Variants in MYH10 observed in about 807,000 individuals in gnomAD.
The protein encoded by MYH10 is myosin heavy chain 10.
MYH10 carries 55 observed loss-of-function variants against 257.8 expected under a neutral mutation model. The ratio of observed to expected loss-of-function variants is 0.21; its 90% CI spans 0.17 to 0.27. The LOEUF (loss-of-function observed/expected upper bound fraction) is 0.27, where lower values mean the gene tolerates loss of function less well. MYH10 is among the 10% of genes least tolerant of loss of function. The pLI, the probability that MYH10 is intolerant of heterozygous loss-of-function variation, is 1.00. For synonymous variants in MYH10, 854 were observed against 921.7 expected (o/e 0.93, Z 1.33); for missense variants, 1,631 against 2,500.6 (o/e 0.65, Z 7.42).
In MYH10 at chr17:8,552,805, G is replaced by A. The variant is rs1317734428; in HGVS notation, c.821-661C>T. On this transcript the variant is annotated intron_variant, in intron 8 of 42. Coordinates refer to ENST00000360416, the MANE Select transcript of MYH10 (RefSeq NM_001256012.3). This position sits in a 1 kb window ranked among gnomAD's most constrained non-coding sequence, Gnocchi z 4.8. ...CTCTGCTGCTCTGAAGAACCGGTGC[G>A]GCCAGTACCTACGCCTGCTGCTACC... 6.6e-6 allele frequency among the ~76,000 whole-genome samples: 1 copy of A among 152,106 alleles called. No homozygotes were observed. Among genetic ancestry groups the A allele is most frequent in the Non-Finnish European group, 1.5e-5 (1 of 67,996 alleles).
At position 8,535,977 on chromosome 17, in the gene MYH10, T is replaced by G. The variant is rs77861461; in HGVS notation, c.1606-46A>C. The G allele has an allele frequency of 2.5e-3, 3,884 of 1,553,526 alleles. 89 individuals carry two copies. In the African/African-American group the frequency reaches 0.047, roughly 19 times the overall value. On this transcript the variant is annotated intron_variant, in intron 14 of 42. Transcript: ENST00000360416. The surrounding 1 kb of genome is among the most constrained non-coding windows in gnomAD (Gnocchi z 4.3). Reference sequence around the variant, plus strand: ...GAATTCACAAGTTTTGCATGCCACTTTAATACTACTGAGTCTGGCACTTAA... The same window carrying G: ...GAATTCACAAGTTTTGCATGCCACTGTAATACTACTGAGTCTGGCACTTAA...
chr17:8,509,555 G>C (rs1258302059), intron 25 of MYH10, among the ~76,000 whole-genome samples: 1 of 152,064 alleles, frequency 6.6e-6, no homozygotes, highest in Non-Finnish European at 1.5e-5. Context: ...AGTCATCATT[G>C]AGTGACCATT....
At chr17:8,476,395 T>C (rs1053625337) in intron 42 of MYH10, among the ~76,000 whole-genome samples, 1 of 152,232 alleles carries the variant, frequency 6.6e-6, no homozygotes, top group African/African-American at 2.4e-5. Flanking sequence ...AATCTGCCCA[T>C]TGGCCAGATG....
At position 8,475,929 on chromosome 17, in the gene MYH10, A is replaced by T; in HGVS notation, c.5899T>A (p.Phe1967Ile). ...CGCCGGCCAGATCGGCTGGAAGAGAAGCTGATGGGGCCACCCCGCCTGGAG... is the reference window on the plus strand; with the variant it reads ...CGCCGGCCAGATCGGCTGGAAGAGATGCTGATGGGGCCACCCCGCCTGGAG... ...NRLRRGGPIS[F>I]SSSRSGRRQL... Residue 1967 changes from phenylalanine to isoleucine, a missense_variant, in exon 43 of 43, where the codon TTC becomes ATC. Coordinates refer to ENST00000360416, the MANE Select transcript of MYH10 (RefSeq NM_001256012.3). 6.2e-7 allele frequency: 1 copy of T among 1,613,854 alleles called. No homozygotes were observed.
chr17:8,553,171 A>G (rs954364152), intron 8 of MYH10, among the ~76,000 whole-genome samples: 11 of 152,196 alleles, frequency 7.2e-5, no homozygotes, highest in African/African-American at 2.7e-4. Flanking sequence ...TGACACACCT[A>G]TATGAAGAAA....
intron 13 of MYH10, among the ~76,000 whole-genome samples, chr17:8,543,403 T>G (rs1242096880): frequency 2.6e-5 from 4 of 152,086 alleles, no homozygotes; most frequent in Non-Finnish European, 5.9e-5. Flanking sequence ...TTATTCATGT[T>G]CATGTAGGTG....
intron 3 of MYH10, among the ~76,000 whole-genome samples, chr17:8,602,200 G>A (rs368257201): frequency 4.6e-5 from 7 of 152,076 alleles, no homozygotes; most frequent in Admixed American, 2.0e-4. Context: ...GGATGATCTC[G>A]ATCTCCTGAC....
At chr17:8,510,085 C>T (rs2081212482) in intron 24 of MYH10, 136 bp from the exon 25 acceptor site, 4 of 913,222 alleles carry the variant, frequency 4.4e-6, no homozygotes, top group Non-Finnish European at 6.0e-6. Context: ...GTTGCCCAGG[C>T]TGAAGTGCAG....
At chr17:8,515,154 A>G (rs566289339) in intron 21 of MYH10, among the ~76,000 whole-genome samples, 3 of 152,206 alleles carry the variant, frequency 2.0e-5, no homozygotes, top group Non-Finnish European at 4.4e-5. Context: ...GGTATTTCCT[A>G]GAAATAATCT....
At chr17:8,616,198 G>A (rs1003103063) in intron 2 of MYH10, among the ~76,000 whole-genome samples, 24 of 151,988 alleles carry the variant, frequency 1.6e-4, no homozygotes, top group African/African-American at 5.1e-4. Flanking sequence ...TGGGAGGATC[G>A]CCTGAGCCCA....
intron 3 of MYH10, among the ~76,000 whole-genome samples, chr17:8,602,168 C>T (rs756886617): frequency 1.3e-5 from 2 of 152,104 alleles, no homozygotes; most frequent in Non-Finnish European, 2.9e-5. Flanking sequence ...TTAATACAGA[C>T]GGGGTTTCAC....
chr17:8,496,597 C>G (rs1250157230), intron 30 of MYH10, among the ~76,000 whole-genome samples: 1 of 152,180 alleles, frequency 6.6e-6, no homozygotes, highest in Non-Finnish European at 1.5e-5. Flanking sequence ...AACTGTCACT[C>G]CCCTCCCTTC....
At chr17:8,488,794 C>T (rs1915291734) in intron 35 of MYH10, among the ~76,000 whole-genome samples, 2 of 152,112 alleles carry the variant, frequency 1.3e-5, no homozygotes, top group African/African-American at 2.4e-5. Context: ...TGCTCGTCAT[C>T]TGCTTGCTGT....
chr17:8,522,831 T>C (rs73248043), intron 17 of MYH10, among the ~76,000 whole-genome samples: 2,622 of 152,262 alleles, frequency 0.017, 75 homozygotes, highest in African/African-American at 0.057. Flanking sequence ...GCTAAATGAA[T>C]AGACACCACC....
chr17:8,514,951 C>T (rs1433447666), intron 21 of MYH10, among the ~76,000 whole-genome samples: 1 of 152,204 alleles, frequency 6.6e-6, no homozygotes, highest in African/African-American at 2.4e-5. Context: ...AGCACCAGAA[C>T]GGCCTCCGAG....
rs570280032 is a variant in MYH10, at chr17:8,507,858, G to A, written c.3214+696C>T. On this transcript the variant is annotated intron_variant, in intron 26 of 42. Transcript: ENST00000360416. Reference sequence around the variant, plus strand: ...TGGTTGGTGCATGCCTGTAATCCCCGCTACTTGGGAGGCTGAGGCAAGAGA... The same window carrying A: ...TGGTTGGTGCATGCCTGTAATCCCCACTACTTGGGAGGCTGAGGCAAGAGA... Among the ~76,000 whole-genome samples, 21 of 152,186 alleles carry A rather than the reference G, an allele frequency of 1.4e-4. No homozygotes were observed. In the East Asian group the frequency reaches 1.9e-3, roughly 14 times the overall value.
Position 8,545,391 on chromosome 17 carries a change from T to A in MYH10, c.1431+57A>T. On this transcript the variant is annotated intron_variant, in intron 13 of 42. Transcript: ENST00000360416. The surrounding 1 kb of genome is among the most constrained non-coding windows in gnomAD (Gnocchi z 4.7). ...ACTGGGCACACAGTAAGCCTTCATA[T>A]TTGTTAAAAGAACAAACAAAAAGAA... 1 of 1,590,832 alleles carries A rather than the reference T, an allele frequency of 6.3e-7. No homozygotes were observed. The highest frequency in any genetic ancestry group is 8.6e-7 in the Non-Finnish European group (1 of 1,163,884).
rs930455837 is a variant in MYH10, at chr17:8,502,440, A to G, written c.3600-1470T>C. 5.9e-5 allele frequency among the ~76,000 whole-genome samples: 9 copies of G among 151,876 alleles called. No homozygotes were observed. In the East Asian group the frequency reaches 1.7e-3, roughly 29 times the overall value. Reference sequence around the variant, plus strand: ...GATTGTTTCAGCTCACTACAGGGAAATCTCTCCTACTAGCAGCACGTTGTC... The same window carrying G: ...GATTGTTTCAGCTCACTACAGGGAAGTCTCTCCTACTAGCAGCACGTTGTC... On this transcript the variant is annotated intron_variant, in intron 28 of 42. Transcript: ENST00000360416.
Position 8,542,297 on chromosome 17 carries a change from G to A in MYH10, c.1432-17C>T. ...GGAGTTCAGCTACAAATGTCAAAGG[G>A]TAATTTTCCAAACATGGGGAGGTGG... On this transcript the variant is annotated splice_polypyrimidine_tract_variant and intron_variant, in intron 13 of 42. Coordinates refer to ENST00000360416, the MANE Select transcript of MYH10 (RefSeq NM_001256012.3). 1 of 1,606,824 alleles carries A rather than the reference G, an allele frequency of 6.2e-7. No individual in the cohort carries two copies. The highest frequency in any genetic ancestry group is 8.5e-7 in the Non-Finnish European group (1 of 1,175,788).
Sources: gnomAD v4.1 joint callset for allele counts (sites outside exome capture counted in the v4.1 genomes callset) on GRCh38, gnomAD v4.1.1 for gene constraint, Gnocchi (gnomAD v3.1) non-coding constraint, MANE v1.5 for transcripts, NCBI Gene and HGNC (gene_info 2026-07-23, HGNC 2026-07-21) for gene names.